FOXP1: variants seen among roughly 807,000 people sequenced by gnomAD.
FOXP1 encodes forkhead box P1.
FOXP1 carries 15 observed loss-of-function variants against 98.2 expected under a neutral mutation model. The observed-to-expected ratio is 0.15, with a 90% CI of 0.10 to 0.24. The LOEUF (loss-of-function observed/expected upper bound fraction) is 0.24, where lower values mean the gene tolerates loss of function less well. Ranked by LOEUF, FOXP1 falls within the 10% of genes least tolerant of loss-of-function variation. The probability of loss-of-function intolerance (pLI) is 1.00; values close to 1 mark genes in which losing one functional copy is unlikely to be tolerated. For missense variants in FOXP1, 633 were observed against 848.5 expected, an observed-to-expected ratio of 0.75 and a Z score of 3.15; for synonymous variants, 371 against 314.5, an observed-to-expected ratio of 1.18 and a Z score of -1.90.
chr3:71,525,618 C>T (rs895166521), intron 2 of FOXP1, among the ~76,000 whole-genome samples: 2 of 152,160 alleles, frequency 1.3e-5, no homozygotes, highest in African/African-American at 4.8e-5. Flanking sequence ...ATAAGAAAGA[C>T]CTCACCATCT....
At chr3:71,095,607 C>G (rs989910302) in intron 7 of FOXP1, among the ~76,000 whole-genome samples, 1 of 152,008 alleles carries the variant, frequency 6.6e-6, no homozygotes, top group Non-Finnish European at 1.5e-5. Context: ...CCTAGATCAA[C>G]ACAGAGTCTA....
chr3:71,197,968 C>A, intron 6 of FOXP1: 6 of 1,614,232 alleles, frequency 3.7e-6, no homozygotes, highest in Non-Finnish European at 5.1e-6. Flanking sequence ...AACTGCTCCC[C>A]ACAAGGGGAC....
At chr3:71,296,921 C>T (rs753733116) in intron 5 of FOXP1, among the ~76,000 whole-genome samples, 3 of 152,176 alleles carry the variant, frequency 2.0e-5, no homozygotes, top group Non-Finnish European at 2.9e-5. Context: ...CTGTTCCAAA[C>T]CCCCTTTTGC....
intron 2 of FOXP1, among the ~76,000 whole-genome samples, chr3:71,561,907 G>A (rs2046571137): frequency 6.6e-6 from 1 of 152,124 alleles, no homozygotes; most frequent in South Asian, 2.1e-4. Flanking sequence ...GAAAGAAAAT[G>A]CAAGTAAGTA....
intron 1 of FOXP1, chr3:71,582,096 G>T (rs1232518887): frequency 1.0e-6 from 1 of 981,076 alleles, no homozygotes. Flanking sequence ...TGCAGGCAGC[G>T]ATTTCGAAGC....
chr3:71,223,626 C>T (rs190022643), intron 5 of FOXP1, among the ~76,000 whole-genome samples: 16 of 145,052 alleles, frequency 1.1e-4, no homozygotes, highest in African/African-American at 3.9e-4. Context: ...ACCCAGGAGA[C>T]GGAGCTTGCA....
At chr3:71,092,893 T>C (rs2056033008) in intron 7 of FOXP1, among the ~76,000 whole-genome samples, 3 of 152,122 alleles carry the variant, frequency 2.0e-5, no homozygotes, top group Admixed American at 2.0e-4. Context: ...ACTTTAGAGA[T>C]ATATGAAGAC....
chr3:71,487,024 T>G (rs1258114306), intron 3 of FOXP1, among the ~76,000 whole-genome samples: 1 of 152,130 alleles, frequency 6.6e-6, no homozygotes, highest in Admixed American at 6.6e-5. Flanking sequence ...AGAAAGCAAC[T>G]GCACCCAGAG....
At chr3:71,527,804 G>A (rs1382085337) in intron 2 of FOXP1, among the ~76,000 whole-genome samples, 2 of 152,230 alleles carry the variant, frequency 1.3e-5, no homozygotes, top group African/African-American at 4.8e-5. Flanking sequence ...CCAAAGGGAA[G>A]CCTGTTGTTT....
At chr3:70,964,086 T>C (rs1412254653) in intron 20 of FOXP1, among the ~76,000 whole-genome samples, 1 of 152,072 alleles carries the variant, frequency 6.6e-6, no homozygotes, top group Non-Finnish European at 1.5e-5. Context: ...TCAAAAAGAG[T>C]AACAGTCTAT....
chr3:70,970,839 A>G (rs779307422), intron 18 of FOXP1, 34 bp from the exon 19 acceptor site: 1 of 1,505,826 alleles, frequency 6.6e-7, no homozygotes, highest in East Asian at 2.3e-5. Context: ...TCAAAGTTAA[A>G]CACAGTCGAC....
chr3:71,288,798 A>T (rs753682614), intron 5 of FOXP1, among the ~76,000 whole-genome samples: 17 of 152,194 alleles, frequency 1.1e-4, no homozygotes, highest in Non-Finnish European at 2.2e-4. Context: ...AATGCTGAAC[A>T]ATTACTATTC....
At chr3:71,467,537 T>C (rs2088896645) in intron 3 of FOXP1, among the ~76,000 whole-genome samples, 1 of 152,234 alleles carries the variant, frequency 6.6e-6, no homozygotes, top group South Asian at 2.1e-4. Context: ...TCAAGGTGTG[T>C]CCTCAGCCAT....
At chr3:71,464,084 C>A (rs1463621963) in intron 3 of FOXP1, among the ~76,000 whole-genome samples, 1 of 152,152 alleles carries the variant, frequency 6.6e-6, no homozygotes, top group African/African-American at 2.4e-5. Flanking sequence ...TCAAGACCAA[C>A]CTGGGCAACA....
At chr3:71,015,886 T>A (rs543450686) in intron 11 of FOXP1, among the ~76,000 whole-genome samples, 1 of 152,212 alleles carries the variant, frequency 6.6e-6, no homozygotes, top group Non-Finnish European at 1.5e-5. Flanking sequence ...CATCTATGTA[T>A]GAAAAAGTGT....
At chr3:71,165,640 C>T (rs2061364411) in intron 6 of FOXP1, among the ~76,000 whole-genome samples, 1 of 152,116 alleles carries the variant, frequency 6.6e-6, no homozygotes, top group Non-Finnish European at 1.5e-5. Context: ...CTTAAATTTG[C>T]CATGTGGTCC....
chr3:71,383,178 G>A (rs2080307572), intron 3 of FOXP1, among the ~76,000 whole-genome samples: 2 of 152,214 alleles, frequency 1.3e-5, no homozygotes, highest in Admixed American at 6.5e-5. Context: ...AGATGGGCCA[G>A]CTCCAGGTGG....
At chr3:71,546,984 G>A (rs1404028200) in intron 2 of FOXP1, among the ~76,000 whole-genome samples, 2 of 152,202 alleles carry the variant, frequency 1.3e-5, no homozygotes, top group Non-Finnish European at 2.9e-5. Context: ...AGAAAGGAAG[G>A]AAGGCAATTG....
chr3:71,323,839 A>G (rs2075532593), intron 4 of FOXP1, among the ~76,000 whole-genome samples: 1 of 152,162 alleles, frequency 6.6e-6, no homozygotes, highest in African/African-American at 2.4e-5. Context: ...ACTGCACATT[A>G]ATGACTCTAA....
Sources: gnomAD v4.1 joint callset for allele counts (sites outside exome capture counted in the v4.1 genomes callset) on GRCh38, gnomAD v4.1.1 for gene constraint, MANE v1.5 for transcripts, NCBI Gene and HGNC (gene_info 2026-07-23, HGNC 2026-07-21) for gene names.